The following THSD7A variants were observed in gnomAD, a reference collection of about 807,000 sequenced individuals.
The protein encoded by THSD7A is thrombospondin type-1 domain-containing protein 7A.
THSD7A carries 96 observed loss-of-function variants against 231.3 expected under a neutral mutation model. The observed-to-expected ratio is 0.41, with a 90% CI of 0.35 to 0.49. The LOEUF (loss-of-function observed/expected upper bound fraction) is 0.49, where lower values mean the gene tolerates loss of function less well. THSD7A is among the 20% of genes least tolerant of loss of function. THSD7A has a pLI of 0.05. For missense variants in THSD7A, 2,290 were observed against 2,070.2 expected, an observed-to-expected ratio of 1.11 and a Z score of -2.06; for synonymous variants, 940 against 743.3, an observed-to-expected ratio of 1.26 and a Z score of -4.30.
At chr7:11,676,012 G>T (rs923872883) in intron 1 of THSD7A, among the ~76,000 whole-genome samples, 1 of 152,174 alleles carries the variant, frequency 6.6e-6, no homozygotes, top group South Asian at 2.1e-4. Context: ...TCATACAAGA[G>T]AGCCCTGGCT....
chr7:11,694,276 A>C (rs1170173939), intron 1 of THSD7A, among the ~76,000 whole-genome samples: 1 of 151,498 alleles, frequency 6.6e-6, no homozygotes, highest in African/African-American at 2.4e-5. Flanking sequence ...CATTAGAAGC[A>C]AGGGTGAAAA....
intron 1 of THSD7A, among the ~76,000 whole-genome samples, chr7:11,772,632 C>A (rs1394013500): frequency 2.6e-5 from 4 of 152,264 alleles, no homozygotes; most frequent in East Asian, 3.9e-4. Context: ...ACATTCTGTG[C>A]ATTCTTACTT....
At chr7:11,400,865 GGTT>G (rs1244614706) in intron 23 of THSD7A, among the ~76,000 whole-genome samples, 1 of 152,066 alleles carries the variant, frequency 6.6e-6, no homozygotes, top group African/African-American at 2.4e-5. Context: ...CAGCATTAAG[GGTT>G]GTTTGTTGAG....
chr7:11,611,412 T>C (rs1327088268), intron 2 of THSD7A, among the ~76,000 whole-genome samples: 6 of 152,016 alleles, frequency 3.9e-5, no homozygotes, highest in Admixed American at 2.6e-4. Context: ...CTTCAGAGTG[T>C]ACTAATTCTA....
chr7:11,599,662 A>C (rs1034993047), intron 2 of THSD7A, among the ~76,000 whole-genome samples: 11 of 152,116 alleles, frequency 7.2e-5, no homozygotes, highest in Non-Finnish European at 2.9e-5. Context: ...TGACCTTACT[A>C]TTGTCTTTAT....
intron 1 of THSD7A, among the ~76,000 whole-genome samples, chr7:11,646,780 T>A (rs1012326076): frequency 6.6e-6 from 1 of 151,974 alleles, no homozygotes; most frequent in African/African-American, 2.4e-5. Context: ...CTTAATAAAT[T>A]TAAAAGCATG....
chr7:11,552,426 T>C (rs1244755886), intron 4 of THSD7A, among the ~76,000 whole-genome samples: 2 of 152,128 alleles, frequency 1.3e-5, no homozygotes, highest in Non-Finnish European at 2.9e-5. Flanking sequence ...AAAATAAGTT[T>C]TATTTTAGCT....
intron 4 of THSD7A, among the ~76,000 whole-genome samples, chr7:11,577,447 T>C (rs1250774855): frequency 6.6e-6 from 1 of 151,932 alleles, no homozygotes; most frequent in Non-Finnish European, 1.5e-5. Context: ...CTCCTGAGTA[T>C]CTGGGACTAC....
At chr7:11,653,451 T>C (rs964504713) in intron 1 of THSD7A, among the ~76,000 whole-genome samples, 13 of 67,048 alleles carry the variant, frequency 1.9e-4, no homozygotes, top group African/African-American at 1.1e-3. Flanking sequence ...CCCAGATATG[T>C]GTGTGTGTGT....
chr7:11,417,092 A>C (rs78079770), intron 17 of THSD7A, among the ~76,000 whole-genome samples: 75 of 152,342 alleles, frequency 4.9e-4, no homozygotes, highest in Non-Finnish European at 9.6e-4. Flanking sequence ...GACACCATTA[A>C]AGTACCTTTA....
intron 1 of THSD7A, among the ~76,000 whole-genome samples, chr7:11,793,876 CAAGT>C (rs1784041605): frequency 6.6e-6 from 1 of 151,496 alleles, no homozygotes; most frequent in African/African-American, 2.4e-5. Flanking sequence ...TAAGGAAACA[CAAGT>C]AAAAAACAGA....
chr7:11,730,628 T>A (rs1054485713), intron 1 of THSD7A, among the ~76,000 whole-genome samples: 1 of 151,622 alleles, frequency 6.6e-6, no homozygotes, highest in Non-Finnish European at 1.5e-5. Flanking sequence ...CACCCAAACA[T>A]TTTAGCTAAG....
intron 2 of THSD7A, among the ~76,000 whole-genome samples, chr7:11,612,075 A>G (rs1023711814): frequency 2.0e-5 from 3 of 152,164 alleles, no homozygotes; most frequent in African/African-American, 7.2e-5. Context: ...ATCCTGAATT[A>G]CATAAGGAAA....
intron 6 of THSD7A, among the ~76,000 whole-genome samples, chr7:11,540,710 C>G (rs1421577023): frequency 6.6e-6 from 1 of 152,116 alleles, no homozygotes; most frequent in African/African-American, 2.4e-5. Flanking sequence ...AAAACAGTAG[C>G]AGTACTCTTT....
chr7:11,411,930 A>G lies in THSD7A; in HGVS notation c.3683-608T>C, dbSNP rs923732233. ...TTTTTTTTTTTTGTATCATCAAAGG[A>G]AACTGAAGAGAAAAACCAAAAGAAA... On this transcript the variant is annotated intron_variant, in intron 18 of 27. Transcript: ENST00000423059. This position sits in a 1 kb window ranked among gnomAD's most constrained non-coding sequence, Gnocchi z 4.1. 9.9e-5 allele frequency among the ~76,000 whole-genome samples: 15 copies of G among 152,228 alleles called. No homozygotes were observed. The highest frequency in any genetic ancestry group is 3.6e-4 in the African/African-American group (15 of 41,546).
rs188890531 is a variant in THSD7A at position 11,390,186 on chromosome 7, T to C, written c.4412-7570A>G. On this transcript the variant is annotated intron_variant, in intron 23 of 27. Coordinates refer to ENST00000423059, the MANE Select transcript of THSD7A (RefSeq NM_015204.3). ...TCTTGCTAGGTTGGGGAAGTTCTCC[T>C]GGATAATATCCTGAAGAGTGTTTTC... Among the ~76,000 whole-genome samples, 1,190 of 152,350 alleles carry C rather than the reference T, an allele frequency of 7.8e-3. 9 individuals carry two copies. Among genetic ancestry groups the C allele is most frequent in the Non-Finnish European group, 0.012 (792 of 68,040 alleles).
chr7:11,788,304 C>T (rs564087860), intron 1 of THSD7A, among the ~76,000 whole-genome samples: 18 of 152,130 alleles, frequency 1.2e-4, no homozygotes, highest in African/African-American at 4.1e-4. Context: ...TAGTTACTCT[C>T]CCACTTAAAT....
In THSD7A at chr7:11,406,997, G is replaced by GC; in HGVS notation, c.3974dup (p.Cys1325TrpfsTer49). On this transcript the variant is annotated frameshift_variant, in exon 21 of 28. Coordinates refer to ENST00000423059, the MANE Select transcript of THSD7A (RefSeq NM_015204.3). LOFTEE classifies it high-confidence loss of function. The surrounding 1 kb of genome is among the most constrained non-coding windows in gnomAD (Gnocchi z 4.7). Reference sequence around the variant, plus strand: ...GTTTGGACTGGTCCATCAGGGAAGGGCATGGTCTTCCATCACCTTGAAAGG... The same window carrying GC: ...GTTTGGACTGGTCCATCAGGGAAGGGCCATGGTCTTCCATCACCTTGAAAGG... The GC allele has an allele frequency of 6.2e-7, 1 of 1,613,788 alleles. No individual in the cohort carries two copies. The highest frequency in any genetic ancestry group is 8.5e-7 in the Non-Finnish European group (1 of 1,179,808).
At chr7:11,734,532 A>C (rs1025086822) in intron 1 of THSD7A, among the ~76,000 whole-genome samples, 16 of 151,994 alleles carry the variant, frequency 1.1e-4, no homozygotes, top group African/African-American at 3.6e-4. Context: ...ATTTTTAACT[A>C]TCCAATAAAA....
Sources: allele counts gnomAD v4.1 joint callset (sites outside exome capture counted in the v4.1 genomes callset), GRCh38; gene constraint gnomAD v4.1.1; non-coding constraint Gnocchi (gnomAD v3.1); transcripts MANE v1.5; gene names NCBI Gene and HGNC (gene_info 2026-07-23, HGNC 2026-07-21).